Variants in HEXB observed in about 807,000 individuals in gnomAD.
HEXB encodes the protein beta-hexosaminidase subunit beta.
HEXB carries 51 observed loss-of-function variants against 71.2 expected under a neutral mutation model. That is an observed-to-expected ratio of 0.72 (90% CI 0.57 to 0.90). The LOEUF is 0.90. Ranked by LOEUF, HEXB falls within the 40% of genes least tolerant of loss-of-function variation. The probability of loss-of-function intolerance (pLI) is 0.00; values close to 1 mark genes in which losing one functional copy is unlikely to be tolerated. For missense variants in HEXB, 617 were observed against 677.0 expected, an observed-to-expected ratio of 0.91 and a Z score of 0.98; for synonymous variants, 266 against 249.3, an observed-to-expected ratio of 1.07 and a Z score of -0.63.
chr5:74,671,903 G>A (rs1435475944), intron 1 of HEXB, among the ~76,000 whole-genome samples: 1 of 152,116 alleles, frequency 6.6e-6, no homozygotes, highest in Non-Finnish European at 1.5e-5. Context: ...AGGACTCCTT[G>A]GTGAATGCTA....
At chr5:74,699,975 A>G (rs910191243) in intron 5 of HEXB, among the ~76,000 whole-genome samples, 11 of 84,894 alleles carry the variant, frequency 1.3e-4, no homozygotes, top group African/African-American at 4.9e-4. Context: ...TTATTTGTAT[A>G]TTTTATATTA....
chr5:74,693,022 A>G (rs1034983084), intron 2 of HEXB, among the ~76,000 whole-genome samples: 1 of 152,208 alleles, frequency 6.6e-6, no homozygotes, highest in Non-Finnish European at 1.5e-5. Flanking sequence ...AATTATTTTT[A>G]TTGAGTGAGA....
chr5:74,658,406 C>G (rs987983363), intron 1 of HEXB, among the ~76,000 whole-genome samples: 9 of 152,164 alleles, frequency 5.9e-5, no homozygotes, highest in Non-Finnish European at 1.2e-4. Context: ...CCCTGAGCTG[C>G]TTTCTTTGTT....
intron 1 of HEXB, among the ~76,000 whole-genome samples, chr5:74,646,895 T>C (rs1748012158): frequency 6.6e-6 from 1 of 152,162 alleles, no homozygotes; most frequent in African/African-American, 2.4e-5. Context: ...TCCATTACTT[T>C]AAAAAACGAA....
intron 3 of HEXB, among the ~76,000 whole-genome samples, chr5:74,696,007 TTC>T: frequency 6.6e-6 from 1 of 152,294 alleles, no homozygotes; most frequent in Non-Finnish European, 1.5e-5. Flanking sequence ...AGAGTTATTC[TTC>T]CCAGCATGAA....
chr5:74,685,383 G>A lies in HEXB; in HGVS notation c.123G>A (p.Glu41=). Residue 41 remains glutamate (E), a synonymous_variant, in exon 1 of 14, where the codon GAG becomes GAA. Coordinates refer to ENST00000261416, the MANE Select transcript of HEXB (RefSeq NM_000521.4). ...TGGCGCTGGTGGTGCAGGTGGCGGAGGCGGCTCGGGCCCCGAGCGTCTCGG... is the reference window on the plus strand; with the variant it reads ...TGGCGCTGGTGGTGCAGGTGGCGGAAGCGGCTCGGGCCCCGAGCGTCTCGG... The part of the protein sequence containing the change: ...TQVALVVQVA[E]AARAPSVSAK... 1.3e-6 allele frequency: 2 copies of A among 1,592,066 alleles called. No homozygotes were observed. Among genetic ancestry groups the A allele is most frequent in the Non-Finnish European group, 1.7e-6 (2 of 1,171,098 alleles).
intron 6 of HEXB, among the ~76,000 whole-genome samples, chr5:74,711,645 A>C (rs2112167916): frequency 6.6e-6 from 1 of 152,234 alleles, no homozygotes; most frequent in South Asian, 2.1e-4. Context: ...ACACTTCTCA[A>C]AAGAAGACAT....
intron 1 of HEXB, among the ~76,000 whole-genome samples, 160 bp from the exon 2 acceptor site, chr5:74,689,168 C>A (rs1378504731): frequency 1.3e-5 from 2 of 152,140 alleles, no homozygotes; most frequent in Non-Finnish European, 2.9e-5. Flanking sequence ...CAAAAAACTT[C>A]CCAAGTGATT....
chr5:74,693,545 A>T, intron 2 of HEXB, 94 bp from the exon 3 acceptor site: 1 of 897,454 alleles, frequency 1.1e-6, no homozygotes, highest in Non-Finnish European at 1.9e-6. Context: ...AGAAAATAAT[A>T]GTCCAGAAAT....
Position 74,652,968 on chromosome 5 carries a change from A to G in HEXB, c.-377+12410A>G, listed in dbSNP as rs1681810987. 6.6e-6 allele frequency among the ~76,000 whole-genome samples: 1 copy of G among 152,234 alleles called. No homozygotes were observed. The highest frequency in any genetic ancestry group is 1.5e-5 in the Non-Finnish European group (1 of 68,044). ...CTTTACTGAAATGGAATTTATAGAT[A>G]ATAGACTCTATTGAATATAACTTCA... On this transcript the variant is annotated intron_variant, in intron 1 of 13. Coordinates refer to the HEXB transcript ENST00000511181. This position sits in a 1 kb window ranked among gnomAD's most constrained non-coding sequence, Gnocchi z 5.4.
intron 3 of HEXB, among the ~76,000 whole-genome samples, chr5:74,694,735 C>T (rs1749073340): frequency 6.6e-6 from 1 of 152,046 alleles, no homozygotes. Flanking sequence ...GAGGTTGAGG[C>T]AGGCAGATCA....
intron 6 of HEXB, among the ~76,000 whole-genome samples, 160 bp from the exon 7 acceptor site, chr5:74,713,344 CTA>C (rs1002204881): frequency 2.0e-5 from 3 of 152,072 alleles, no homozygotes; most frequent in African/African-American, 7.2e-5. Context: ...AACTATGGCA[CTA>C]TATTATTTTT....
chr5:74,699,412 T>C (rs942559676), intron 5 of HEXB, among the ~76,000 whole-genome samples: 37 of 151,972 alleles, frequency 2.4e-4, no homozygotes, highest in Middle Eastern at 3.2e-3. Context: ...GTAGCTGGGA[T>C]TACAGGTGCC....
At position 74,689,363 on chromosome 5, in the gene HEXB, A is replaced by G; in HGVS notation, c.335A>G (p.His112Arg). Residue 112 changes from histidine (H) to arginine (R), a missense_variant, in exon 2 of 14, where the codon CAT becomes CGT. His to Arg is a conservative substitution (Grantham distance 29). Coordinates refer to ENST00000261416, the MANE Select transcript of HEXB (RefSeq NM_000521.4). ...HGYIFGFYKW[H>R]HEPAEFQAKT... is the part of the protein sequence containing the mutation. ...TATATTTTTGGTTTCTACAAGTGGC[A>G]TCATGAACCTGCTGAATTCCAGGCT... is the stretch of plus-strand genomic sequence containing the variant. 3 of 1,613,234 alleles carry G rather than the reference A, an allele frequency of 1.9e-6. No individual in the cohort carries two copies. The highest frequency in any genetic ancestry group is 1.3e-5 in the African/African-American group (1 of 75,044).
chr5:74,682,311 T>C (rs1168775038), upstream of HEXB, among the ~76,000 whole-genome samples: 1 of 152,188 alleles, frequency 6.6e-6, no homozygotes, highest in Non-Finnish European at 1.5e-5. Context: ...TGAGCCGAGA[T>C]GGCTCCACTG....
At chr5:74,664,448 A>ACAAAAAAAAAAAC (rs1554033115) in intron 1 of HEXB, among the ~76,000 whole-genome samples, 7 of 126,540 alleles carry the variant, frequency 5.5e-5, no homozygotes, top group Non-Finnish European at 9.9e-5. Flanking sequence ...AAAAAAAAAA[A>ACAAAAAAAAAAAC]AAAAACAGAG....
intron 3 of HEXB, among the ~76,000 whole-genome samples, chr5:74,696,084 TA>T (rs1308749666): frequency 2.6e-5 from 4 of 152,180 alleles, no homozygotes; most frequent in Non-Finnish European, 5.9e-5. Context: ...GTTCTTAGGT[TA>T]AAAATTCCCT....
chr5:74,660,902 C>T (rs1374864391), intron 1 of HEXB, among the ~76,000 whole-genome samples: 1 of 152,096 alleles, frequency 6.6e-6, no homozygotes, highest in East Asian at 1.9e-4. Flanking sequence ...AAGGCATTGA[C>T]TGGAAGAAAA....
At chr5:74,679,313 G>A (rs1748694204) in intron 1 of HEXB, among the ~76,000 whole-genome samples, 1 of 152,212 alleles carries the variant, frequency 6.6e-6, no homozygotes. Flanking sequence ...CTTTAAAAGA[G>A]TGAGGACGAT....
Sources: gnomAD v4.1 joint callset for allele counts (sites outside exome capture counted in the v4.1 genomes callset) on GRCh38, gnomAD v4.1.1 for gene constraint, Gnocchi (gnomAD v3.1) non-coding constraint, MANE v1.5 for transcripts, NCBI Gene and HGNC (gene_info 2026-07-23, HGNC 2026-07-21) for gene names.